Variants in KCNIP4 observed in about 807,000 individuals in gnomAD.
The protein encoded by KCNIP4 is Kv channel-interacting protein 4.
Under a neutral mutation model 34.0 loss-of-function variants are expected in KCNIP4, and 12 were observed. That is an observed-to-expected ratio of 0.35 (90% CI 0.23 to 0.57). The LOEUF (loss-of-function observed/expected upper bound fraction) is 0.57. KCNIP4 is among the 20% of genes least tolerant of loss of function. The probability of loss-of-function intolerance (pLI) is 0.83; values close to 1 mark genes in which losing one functional copy is unlikely to be tolerated. For missense variants in KCNIP4, 238 were observed against 311.7 expected (o/e 0.76, Z 1.78); for synonymous variants, 124 against 102.2 (o/e 1.21, Z -1.29).
At chr4:21,344,694 C>T (rs1413785750) in intron 1 of KCNIP4, among the ~76,000 whole-genome samples, 1 of 152,050 alleles carries the variant, frequency 6.6e-6, no homozygotes, top group Admixed American at 6.6e-5. Flanking sequence ...CACAAAATCC[C>T]CGATATGTAG....
chr4:21,577,420 A>C (rs1008220276), intron 1 of KCNIP4, among the ~76,000 whole-genome samples: 2 of 152,114 alleles, frequency 1.3e-5, no homozygotes, highest in Admixed American at 6.5e-5. Context: ...ACCTGAGGTC[A>C]GGTGTTCGAG....
chr4:21,118,467 T>C (rs548702328), intron 1 of KCNIP4, among the ~76,000 whole-genome samples: 15 of 152,288 alleles, frequency 9.8e-5, no homozygotes, highest in African/African-American at 3.6e-4. Context: ...CAACCTCCAA[T>C]CAGGGCACTC....
In KCNIP4 at chr4:21,194,685, C is replaced by A. The variant is rs74979157; in HGVS notation, c.62-311976G>T. 5.7e-3 allele frequency among the ~76,000 whole-genome samples: 875 copies of A among 152,252 alleles called. 12 individuals carry two copies. The highest frequency in any genetic ancestry group is 0.02 in the African/African-American group (819 of 41,542). ...GAGACCATCCCACACTACCCCCATG[C>A]GCTTTGCCTTCCCTTCTCTGCAGCT... On this transcript the variant is annotated intron_variant, in intron 1 of 8. Transcript: ENST00000382152.
At chr4:21,752,527 TC>T (rs1717219005) in intron 1 of KCNIP4, among the ~76,000 whole-genome samples, 1 of 151,806 alleles carries the variant, frequency 6.6e-6, no homozygotes, top group Non-Finnish European at 1.5e-5. Flanking sequence ...GGATTCCAAT[TC>T]CAGATGAGAT....
Position 21,551,687 on chromosome 4 carries a change from T to C in KCNIP4, c.61+396884A>G, listed in dbSNP as rs569240033. Among the ~76,000 whole-genome samples, 50 of 152,222 alleles carry C rather than the reference T, an allele frequency of 3.3e-4. No individual in the cohort carries two copies. The East Asian group carries it at 9.6e-3, about 29-fold the overall frequency. ...GGCACATTATAATTTTTCATGAGGA[T>C]TAAATAGCACATGTGAAATATCTAA... On this transcript the variant is annotated intron_variant, in intron 1 of 8. Coordinates refer to ENST00000382152, the MANE Select transcript of KCNIP4 (RefSeq NM_025221.6).
At chr4:21,296,038 C>T (rs867939752) in intron 1 of KCNIP4, among the ~76,000 whole-genome samples, 1 of 152,112 alleles carries the variant, frequency 6.6e-6, no homozygotes, top group South Asian at 2.1e-4. Context: ...AGAATGGAGG[C>T]TTTATCTGTT....
In KCNIP4 at chr4:21,878,624, T is replaced by C. The variant is rs1479538291; in HGVS notation, c.61+69947A>G. ...ATGAGCAATGCTTTCAACATTATTT[T>C]AGCAAATTTACTACTTTAAAGCTTA... is the stretch of plus-strand genomic sequence containing the variant. On this transcript the variant is annotated intron_variant, in intron 1 of 8. Coordinates refer to ENST00000382152, the MANE Select transcript of KCNIP4 (RefSeq NM_025221.6). Among the ~76,000 whole-genome samples, 3 of 152,236 alleles carry C rather than the reference T, an allele frequency of 2.0e-5. No homozygotes were observed. In the East Asian group the frequency reaches 5.8e-4, roughly 29 times the overall value.
At chr4:21,480,920 C>G (rs1731372659) in intron 1 of KCNIP4, among the ~76,000 whole-genome samples, 1 of 152,100 alleles carries the variant, frequency 6.6e-6, no homozygotes, top group Admixed American at 6.6e-5. Flanking sequence ...TTATTGCACA[C>G]AGCATGGCCA....
At chr4:21,422,776 T>C (rs1015450885) in intron 1 of KCNIP4, among the ~76,000 whole-genome samples, 1 of 151,982 alleles carries the variant, frequency 6.6e-6, no homozygotes, top group African/African-American at 2.4e-5. Flanking sequence ...TTTACCACAA[T>C]GTAACACAGT....
intron 1 of KCNIP4, among the ~76,000 whole-genome samples, chr4:21,149,728 A>G (rs1007237712): frequency 8.5e-5 from 13 of 152,316 alleles, no homozygotes; most frequent in African/African-American, 2.6e-4. Flanking sequence ...GGCAAGACTA[A>G]GGAGAGTATA....
At chr4:21,033,844 A>G (rs28726287) in intron 1 of KCNIP4, among the ~76,000 whole-genome samples, 3,761 of 152,282 alleles carry the variant, frequency 0.025, 148 homozygotes, top group African/African-American at 0.085. Context: ...GTAATAAGCA[A>G]GCATTCTGCT....
chr4:21,471,811 G>C (rs1278185886), intron 1 of KCNIP4, among the ~76,000 whole-genome samples: 1 of 152,182 alleles, frequency 6.6e-6, no homozygotes, highest in Non-Finnish European at 1.5e-5. Flanking sequence ...ATTCAAATGA[G>C]AGGACCTATG....
intron 1 of KCNIP4, among the ~76,000 whole-genome samples, chr4:21,444,680 G>A (rs1019510994): frequency 2.0e-5 from 3 of 152,118 alleles, no homozygotes; most frequent in African/African-American, 7.2e-5. Flanking sequence ...TACTGAATGG[G>A]CAAAAACTGG....
At chr4:21,020,588 C>T (rs1020071991) in intron 1 of KCNIP4, among the ~76,000 whole-genome samples, 6 of 152,078 alleles carry the variant, frequency 3.9e-5, no homozygotes, top group African/African-American at 1.2e-4. Flanking sequence ...AGATGCTTGA[C>T]GATATCGCCA....
chr4:21,135,615 T>G (rs1339175998), intron 1 of KCNIP4, among the ~76,000 whole-genome samples: 1 of 152,236 alleles, frequency 6.6e-6, no homozygotes, highest in Non-Finnish European at 1.5e-5. Context: ...AAATAAAGAT[T>G]AAATCTACAT....
chr4:21,491,985 C>T (rs1008517439), intron 1 of KCNIP4, among the ~76,000 whole-genome samples: 29 of 152,100 alleles, frequency 1.9e-4, no homozygotes, highest in African/African-American at 7.0e-4. Context: ...AATTCCCTGG[C>T]ACAGGATCTT....
chr4:21,336,129 T>C (rs1284295801), intron 1 of KCNIP4, among the ~76,000 whole-genome samples: 1 of 152,192 alleles, frequency 6.6e-6, no homozygotes, highest in Non-Finnish European at 1.5e-5. Context: ...CTGGATTCAC[T>C]CAATATCATG....
chr4:21,652,820 G>A (rs191855617), intron 1 of KCNIP4, among the ~76,000 whole-genome samples: 8 of 152,286 alleles, frequency 5.3e-5, no homozygotes, highest in African/African-American at 7.2e-5. Flanking sequence ...TAGAGCCACC[G>A]TTCAAGTAAT....
intron 1 of KCNIP4, among the ~76,000 whole-genome samples, chr4:21,016,501 T>C (rs1480360417): frequency 6.6e-6 from 1 of 152,110 alleles, no homozygotes; most frequent in Non-Finnish European, 1.5e-5. Context: ...TTCACCGTGT[T>C]AGCCTGGATG....
Sources: gnomAD v4.1 joint callset for allele counts (sites outside exome capture counted in the v4.1 genomes callset) on GRCh38, gnomAD v4.1.1 for gene constraint, MANE v1.5 for transcripts, NCBI Gene and HGNC (gene_info 2026-07-23, HGNC 2026-07-21) for gene names.